The following ALMS1 variants were observed in gnomAD, a reference collection of about 807,000 sequenced individuals.
The protein encoded by ALMS1 is centrosome-associated protein ALMS1.
Under a neutral mutation model 352.2 loss-of-function variants are expected in ALMS1, and 271 were observed. That is an observed-to-expected ratio of 0.77 (90% confidence interval 0.70 to 0.85). The LOEUF (loss-of-function observed/expected upper bound fraction) is 0.85, where lower values mean the gene tolerates loss of function less well. ALMS1 is among the 40% of genes least tolerant of loss of function. The pLI, the probability that ALMS1 is intolerant of heterozygous loss-of-function variation, is 0.00. For missense variants in ALMS1, 5,445 were observed against 4,870.7 expected (o/e 1.12, Z -3.51); for synonymous variants, 1,865 against 1,761.2 (o/e 1.06, Z -1.48).
intron 7 of ALMS1, among the ~76,000 whole-genome samples, chr2:73,432,987 G>T (rs1001466872): frequency 1.3e-5 from 2 of 152,018 alleles, no homozygotes; most frequent in African/African-American, 4.8e-5. Flanking sequence ...AGAGGAAATT[G>T]AGAGAAATCA....
In ALMS1 at chr2:73,609,655, A is replaced by C. The variant is rs1675897320; in HGVS notation, c.*43A>C. 2 of 1,580,432 alleles carry C rather than the reference A, an allele frequency of 1.3e-6. No individual in the cohort carries two copies. The highest frequency in any genetic ancestry group is 1.7e-6 in the Non-Finnish European group (2 of 1,149,466). On this transcript the variant is annotated 3_prime_UTR_variant, in exon 23 of 23. Coordinates refer to ENST00000613296, the MANE Select transcript of ALMS1 (RefSeq NM_001378454.1). ...CAGAGCCTTGGAATTCTATTTTATG[A>C]ACCTAGAGAAGCAGAATCCTTACTT...
At chr2:73,486,880 T>C (rs2103882061) in intron 9 of ALMS1, among the ~76,000 whole-genome samples, 1 of 152,030 alleles carries the variant, frequency 6.6e-6, no homozygotes, top group East Asian at 1.9e-4. Context: ...TGAGACCCAG[T>C]CTCTACAAAA....
chr2:73,488,137 C>T (rs1430876533), intron 9 of ALMS1, among the ~76,000 whole-genome samples: 1 of 152,150 alleles, frequency 6.6e-6, no homozygotes, highest in Non-Finnish European at 1.5e-5. Flanking sequence ...TGCCCAGGAG[C>T]CTGTCTGCCA....
chr2:73,551,064 G>A (rs764298917), intron 13 of ALMS1, among the ~76,000 whole-genome samples: 4 of 152,030 alleles, frequency 2.6e-5, no homozygotes, highest in Non-Finnish European at 4.4e-5. Context: ...TCGCTATGTT[G>A]CCTGGGCTGG....
At position 73,573,393 on chromosome 2, in the gene ALMS1, C is replaced by T. The variant is rs376255515; in HGVS notation, c.11516C>T (p.Thr3839Ile). 47 of 1,613,924 alleles carry T rather than the reference C, an allele frequency of 2.9e-5. No homozygotes were observed. The highest frequency in any genetic ancestry group is 4.5e-5 in the East Asian group (2 of 44,874). ...KVLNTGHPLVTSEHTRRRHIQ... is the reference protein window; with the variant it reads ...KVLNTGHPLVISEHTRRRHIQ... ...CTGAATACAGGTCATCCCCTAGTGA[C>T]TTCTGAGCACACCAGAAGGAGACAC... The change falls in exon 16 of 23, where the codon ACT becomes ATT. Residue 3839 changes from threonine (T) to isoleucine (I), a missense_variant. Physicochemically the swap from Thr to Ile is moderately conservative, Grantham distance 89 (BLOSUM62 -1). Transcript: ENST00000613296.
chr2:73,473,955 G>A (rs552688128), intron 9 of ALMS1, among the ~76,000 whole-genome samples: 21 of 151,380 alleles, frequency 1.4e-4, no homozygotes, highest in African/African-American at 4.4e-4. Context: ...AGAAAGGGGC[G>A]GTAATAATAT....
At chr2:73,601,495 A>C (rs1675687992) in intron 19 of ALMS1, 59 bp downstream of exon 19, 1 of 1,588,366 alleles carries the variant, frequency 6.3e-7, no homozygotes. Context: ...GGCAAGGCGC[A>C]GAGAAGCTGG....
intron 9 of ALMS1, among the ~76,000 whole-genome samples, chr2:73,468,893 G>A (rs993501428): frequency 6.6e-6 from 1 of 151,818 alleles, no homozygotes; most frequent in Non-Finnish European, 1.5e-5. Context: ...TCCAAACCAC[G>A]ATGAGGATTT....
At position 73,601,259 on chromosome 2, in the gene ALMS1, C is replaced by G; in HGVS notation, c.11937C>G (p.Asn3979Lys). 1 of 1,614,238 alleles carries G rather than the reference C, an allele frequency of 6.2e-7. No homozygotes were observed. Among genetic ancestry groups the G allele is most frequent in the Non-Finnish European group, 8.5e-7 (1 of 1,180,036 alleles). Residue 3979 changes from asparagine (N) to lysine (K), a missense_variant, in exon 19 of 23, where the codon AAC becomes AAG. Physicochemically the swap from Asn to Lys is moderately conservative, Grantham distance 94. Transcript: ENST00000613296. ...ESRSKKENVP[N>K]TCGPGISWFE... ...GATCAAAGAAGGAAAACGTGCCTAA[C>G]ACTTGTGGCCCTGGCATCTCCTGGT...
At chr2:73,407,185 G>A (rs1670989339) in intron 1 of ALMS1, among the ~76,000 whole-genome samples, 1 of 152,116 alleles carries the variant, frequency 6.6e-6, no homozygotes, top group African/African-American at 2.4e-5. Context: ...GGTTGGGCAT[G>A]CTAGCTCAGG....
chr2:73,486,446 A>G (rs900898696), intron 9 of ALMS1, among the ~76,000 whole-genome samples: 9 of 152,198 alleles, frequency 5.9e-5, no homozygotes, highest in African/African-American at 2.2e-4. Flanking sequence ...TGGCTGGAGT[A>G]GAATGGTTAT....
intron 10 of ALMS1, among the ~76,000 whole-genome samples, chr2:73,506,361 C>T (rs1420704915): frequency 6.6e-6 from 1 of 152,148 alleles, no homozygotes; most frequent in Non-Finnish European, 1.5e-5. Flanking sequence ...AGCATTGAAT[C>T]TATAAATTAC....
rs1303282572 is a variant in ALMS1, at chr2:73,449,948, T to G, written c.3421T>G (p.Ser1141Ala). The G allele has an allele frequency of 5.6e-6, 9 of 1,613,816 alleles. No homozygotes were observed. The highest frequency in any genetic ancestry group is 7.6e-6 in the Non-Finnish European group (9 of 1,179,940). ...DQKTGTPTVT[S>A]TSYSQHREKP... ...GAAGACTGGCACACCAACTGTAACC[T>G]CAACTTCCTACTCACAACATAGAGA... The change falls in exon 8 of 23, where the codon TCA (serine) becomes GCA (alanine). Residue 1141 changes from serine (S) to alanine (A), a missense_variant. Physicochemically the swap from Ser to Ala is moderately conservative, Grantham distance 99 (BLOSUM62 1). Transcript: ENST00000613296.
In ALMS1 at chr2:73,449,192, A is replaced by C; in HGVS notation, c.2665A>C (p.Ile889Leu). The change falls in exon 8 of 23, where the codon ATT (isoleucine) becomes CTT (leucine). Residue 889 changes from isoleucine to leucine, a missense_variant. Transcript: ENST00000613296. ...AACTGAAGAGGCTCTGAAAGTATCA[A>C]TTGTTCCTGGACCAGGTGATCAGAA... ...HLTEEALKVS[I>L]VPGPGDQKTG... The C allele has an allele frequency of 1.9e-6, 3 of 1,613,906 alleles. No homozygotes were observed. Among genetic ancestry groups the C allele is most frequent in the South Asian group, 1.1e-5 (1 of 91,076 alleles).
At chr2:73,559,963 T>C (rs1271956029) in intron 15 of ALMS1, among the ~76,000 whole-genome samples, 1 of 152,170 alleles carries the variant, frequency 6.6e-6, no homozygotes, top group East Asian at 1.9e-4. Flanking sequence ...CTTCAGGACA[T>C]TGAACTTGGC....
Position 73,425,797 on chromosome 2 carries a change from G to A in ALMS1, c.1238-656G>A, listed in dbSNP as rs1338284149. Among the ~76,000 whole-genome samples, 4 of 152,134 alleles carry A rather than the reference G, an allele frequency of 2.6e-5. 1 individual carries two copies. The highest frequency in any genetic ancestry group is 9.7e-5 in the African/African-American group (4 of 41,436). On this transcript the variant is annotated intron_variant, in intron 5 of 22. Transcript: ENST00000613296. ...TACTCCTGGGGTGTTTGAACCAGCA[G>A]CTTCAAAACCATTGTTGCATAAAAA...
At chr2:73,437,498 T>C (rs997002235) in intron 7 of ALMS1, among the ~76,000 whole-genome samples, 1 of 152,322 alleles carries the variant, frequency 6.6e-6, no homozygotes, top group Admixed American at 6.5e-5. Flanking sequence ...TCTTTTTCAC[T>C]TATTAGCTAA....
chr2:73,473,245 CTGGGAGTGTTTTTT>C (rs1672504416), intron 9 of ALMS1, among the ~76,000 whole-genome samples: 2 of 107,292 alleles, frequency 1.9e-5, no homozygotes, highest in African/African-American at 5.5e-5. Flanking sequence ...GCAAAAAAGA[CTGGGAGTGTTTTTT>C]TTCTTTCCTA....
In ALMS1 at chr2:73,601,223, T is replaced by C. The variant is rs762594847; in HGVS notation, c.11901T>C (p.Asn3967=). The C allele has an allele frequency of 1.9e-6, 3 of 1,614,026 alleles. No homozygotes were observed. Among genetic ancestry groups the C allele is most frequent in the Admixed American group, 1.7e-5 (1 of 60,010 alleles). The part of the protein sequence containing the change: ...EGVSWFVPVE[N]VESRSKKENV... ...TTTCCTGGTTTGTTCCTGTGGAAAA[T>C]GTGGAGTCTAGATCAAAGAAGGAAA... The change falls in exon 19 of 23, where the codon AAT becomes AAC. Residue 3967 remains asparagine (N), a synonymous_variant. Transcript: ENST00000613296.
Sources: allele counts gnomAD v4.1 joint callset (sites outside exome capture counted in the v4.1 genomes callset), GRCh38; gene constraint gnomAD v4.1.1; transcripts MANE v1.5; gene names NCBI Gene and HGNC (gene_info 2026-07-23, HGNC 2026-07-21).